Variants in RAB11FIP4 observed in about 807,000 individuals in gnomAD.
RAB11FIP4 encodes RAB11 family interacting protein 4.
RAB11FIP4 carries 23 observed loss-of-function variants against 74.3 expected under a neutral mutation model. The ratio of observed to expected loss-of-function variants is 0.31; its 90% CI spans 0.22 to 0.44. The LOEUF (loss-of-function observed/expected upper bound fraction) is 0.44. RAB11FIP4 is among the 20% of genes least tolerant of loss of function. The probability of loss-of-function intolerance (pLI) is 1.00; values close to 1 mark genes in which losing one functional copy is unlikely to be tolerated. For synonymous variants in RAB11FIP4, 360 were observed against 359.9 expected (o/e 1.00, Z 0.00); for missense variants, 630 against 863.9 (o/e 0.73, Z 3.39).
intron 1 of RAB11FIP4, among the ~76,000 whole-genome samples, chr17:31,423,765 G>A (rs1036919272): frequency 1.3e-5 from 2 of 152,152 alleles, no homozygotes; most frequent in Non-Finnish European, 2.9e-5. Context: ...CTCAGGAGTA[G>A]GCTAGGACCT....
At chr17:31,399,989 G>A (rs567887870) in intron 1 of RAB11FIP4, among the ~76,000 whole-genome samples, 1 of 151,686 alleles carries the variant, frequency 6.6e-6, no homozygotes, top group Admixed American at 6.6e-5. Flanking sequence ...GTTGCAGTGA[G>A]CCGAGATTGC....
chr17:31,450,578 C>T (rs1349992200), intron 3 of RAB11FIP4, among the ~76,000 whole-genome samples: 1 of 151,952 alleles, frequency 6.6e-6, no homozygotes, highest in Non-Finnish European at 1.5e-5. Flanking sequence ...CTCCTGGCCT[C>T]AAGTGATCTG....
At chr17:31,484,600 C>T (rs1461559086) in intron 3 of RAB11FIP4, among the ~76,000 whole-genome samples, 1 of 152,060 alleles carries the variant, frequency 6.6e-6, no homozygotes. Flanking sequence ...CTAATCTCAC[C>T]CATCAGATAC....
At chr17:31,420,158 A>C (rs1045577193) in intron 1 of RAB11FIP4, among the ~76,000 whole-genome samples, 1 of 152,158 alleles carries the variant, frequency 6.6e-6, no homozygotes, top group Non-Finnish European at 1.5e-5. Context: ...TAAGTTGTAG[A>C]AATTATGTGT....
chr17:31,528,237 G>A (rs1453363107), intron 11 of RAB11FIP4, among the ~76,000 whole-genome samples, 169 bp from the exon 12 acceptor site: 5 of 152,174 alleles, frequency 3.3e-5, no homozygotes, highest in East Asian at 1.9e-4. Context: ...TAGAATCATC[G>A]GGGCTCTGGC....
intron 3 of RAB11FIP4, among the ~76,000 whole-genome samples, chr17:31,516,795 G>A (rs1227999241): frequency 1.3e-5 from 2 of 152,184 alleles, no homozygotes; most frequent in African/African-American, 4.8e-5. Flanking sequence ...TACACTCCAC[G>A]GGATGGGAGC....
At chr17:31,445,119 C>T (rs959857445) in intron 3 of RAB11FIP4, among the ~76,000 whole-genome samples, 6 of 152,204 alleles carry the variant, frequency 3.9e-5, no homozygotes, top group African/African-American at 1.4e-4. Context: ...TCTGAGGGCC[C>T]AAGCTCCTGC....
In RAB11FIP4 at chr17:31,531,808, G is replaced by A; in HGVS notation, c.*76G>A. 1 of 935,692 alleles carries A rather than the reference G, an allele frequency of 1.1e-6. No homozygotes were observed. Among genetic ancestry groups the A allele is most frequent in the Admixed American group, 1.9e-5 (1 of 53,212 alleles). 58.0% of individuals were successfully genotyped at this position (935,692 alleles called of 1,614,324 possible). A position where few individuals can be genotyped will look rare whatever the true frequency, so the allele number is the denominator to read the frequency against. Reference sequence around the variant, plus strand: ...ACCCTGCCCAAGGATGCAGGCCTAAGCCGGGCCTCACACTCACACTGTAAA... The same window carrying A: ...ACCCTGCCCAAGGATGCAGGCCTAAACCGGGCCTCACACTCACACTGTAAA... On this transcript the variant is annotated 3_prime_UTR_variant, in exon 15 of 15. Transcript: ENST00000621161.
chr17:31,520,008 G>A (rs968130260), intron 4 of RAB11FIP4, among the ~76,000 whole-genome samples: 2 of 150,636 alleles, frequency 1.3e-5, no homozygotes, highest in Non-Finnish European at 2.9e-5. Flanking sequence ...CTACTCAGGA[G>A]GCTGTGGCAG....
chr17:31,515,126 G>T (rs1037298591), intron 3 of RAB11FIP4, among the ~76,000 whole-genome samples: 1 of 152,188 alleles, frequency 6.6e-6, no homozygotes, highest in Non-Finnish European at 1.5e-5. Flanking sequence ...ATGAAGCACA[G>T]GTGGGATAAT....
chr17:31,407,689 G>A (rs4258685), intron 1 of RAB11FIP4, among the ~76,000 whole-genome samples: 91,524 of 151,986 alleles, frequency 0.6, 30,364 homozygotes, highest in African/African-American at 0.88. Context: ...GTTTTTGGCA[G>A]GGACAGGTGG....
intron 3 of RAB11FIP4, among the ~76,000 whole-genome samples, chr17:31,449,231 G>A (rs756436704): frequency 5.9e-5 from 9 of 151,912 alleles, no homozygotes; most frequent in Non-Finnish European, 1.0e-4. Flanking sequence ...CTCCTCACCC[G>A]CACACCGCCT....
chr17:31,513,647 A>G (rs2072493204), intron 3 of RAB11FIP4, among the ~76,000 whole-genome samples: 1 of 152,234 alleles, frequency 6.6e-6, no homozygotes, highest in African/African-American at 2.4e-5. Flanking sequence ...TGTCTTTATT[A>G]TATTTGAATT....
At chr17:31,417,377 A>C (rs1011645642) in intron 1 of RAB11FIP4, among the ~76,000 whole-genome samples, 4 of 152,150 alleles carry the variant, frequency 2.6e-5, no homozygotes, top group African/African-American at 4.8e-5. Flanking sequence ...GGGAGTCTCC[A>C]GGTGCCCAGA....
intron 3 of RAB11FIP4, among the ~76,000 whole-genome samples, chr17:31,465,993 A>T (rs1384365420): frequency 7.6e-6 from 1 of 131,330 alleles, no homozygotes; most frequent in African/African-American, 2.7e-5. Flanking sequence ...AAAAAAAAAA[A>T]TCAGCCGGGT....
chr17:31,478,253 A>G (rs1479811957), intron 3 of RAB11FIP4, among the ~76,000 whole-genome samples: 1 of 152,128 alleles, frequency 6.6e-6, no homozygotes, highest in Non-Finnish European at 1.5e-5. Context: ...TTGGTCTCCC[A>G]AAGTGCTGGG....
At position 31,434,129 on chromosome 17, in the gene RAB11FIP4, C is replaced by G; in HGVS notation, c.336+7C>G. 3 of 1,569,612 alleles carry G rather than the reference C, an allele frequency of 1.9e-6. No individual in the cohort carries two copies. Among genetic ancestry groups the G allele is most frequent in the Non-Finnish European group, 2.6e-6 (3 of 1,164,598 alleles). Reference sequence around the variant, plus strand: ...CCCAGACTGCGTGGAGCAGGTAAGGCTTGGGGGGCCTCAAGGACCTCCATG... The same window carrying G: ...CCCAGACTGCGTGGAGCAGGTAAGGGTTGGGGGGCCTCAAGGACCTCCATG... On this transcript the variant is annotated splice_region_variant and intron_variant, in intron 3 of 14. Transcript: ENST00000621161.
At chr17:31,439,098 C>A (rs2151630643) in intron 3 of RAB11FIP4, among the ~76,000 whole-genome samples, 1 of 152,288 alleles carries the variant, frequency 6.6e-6, no homozygotes, top group East Asian at 1.9e-4. Flanking sequence ...TGACAGCCAG[C>A]CCCATGTCCA....
chr17:31,459,365 G>A (rs1024592699), intron 3 of RAB11FIP4, among the ~76,000 whole-genome samples: 1 of 152,048 alleles, frequency 6.6e-6, no homozygotes, highest in Admixed American at 6.6e-5. Context: ...TAAAATGGGG[G>A]TAAAATGCCC....
Sources: allele counts gnomAD v4.1 joint callset (sites outside exome capture counted in the v4.1 genomes callset), GRCh38; gene constraint gnomAD v4.1.1; transcripts MANE v1.5; gene names NCBI Gene and HGNC (gene_info 2026-07-23, HGNC 2026-07-21).